The following PRDM10 variants were observed in gnomAD, a reference collection of about 807,000 sequenced individuals.
PRDM10 encodes PR/SET domain 10.
A neutral mutation model predicts 133.1 loss-of-function variants in PRDM10; 65 were observed. That is an observed-to-expected ratio of 0.49 (90% CI 0.40 to 0.60). PRDM10 has a LOEUF of 0.60. Among genes scored for constraint, PRDM10 ranks in the 20% least tolerant of loss-of-function variants. PRDM10 has a pLI of 0.00. For missense variants in PRDM10, 1,137 were observed against 1,507.1 expected (o/e 0.75, Z 4.07); for synonymous variants, 582 against 580.4 (o/e 1.00, Z -0.04).
chr11:129,914,925 C>T lies in PRDM10; in HGVS notation c.2620G>A (p.Ala874Thr), dbSNP rs754532021. The T allele has an allele frequency of 6.2e-7, 1 of 1,614,130 alleles. No individual in the cohort carries two copies. Among genetic ancestry groups the T allele is most frequent in the South Asian group, 1.1e-5 (1 of 91,080 alleles). Residue 874 changes from alanine to threonine, a missense_variant, in exon 17 of 21, where the codon GCC becomes ACC. Physicochemically the swap from Ala to Thr is moderately conservative, Grantham distance 58. Around this residue, in one of 6 missense-constraint regions of PRDM10, gnomAD observed 113 missense variants for 143.7 expected, o/e 0.79. Transcript: ENST00000360871. ...HTPLTTAVIS[A>T]TPAVLTTDSA... ...TCTGTAGTCAAAACCGCTGGGGTGGCACTGATCACAGCTGTCGTCAGTGGT... is the reference window on the plus strand; with the variant it reads ...TCTGTAGTCAAAACCGCTGGGGTGGTACTGATCACAGCTGTCGTCAGTGGT...
At chr11:130,001,989 G>A (rs1200658668) in intron 1 of PRDM10, among the ~76,000 whole-genome samples, 1 of 151,608 alleles carries the variant, frequency 6.6e-6, no homozygotes, top group Non-Finnish European at 1.5e-5. Context: ...CGCTAGCTTG[G>A]GAAGGCAGGC....
chr11:130,000,012 T>C (rs1939257166), intron 1 of PRDM10, among the ~76,000 whole-genome samples: 1 of 152,018 alleles, frequency 6.6e-6, no homozygotes, highest in Non-Finnish European at 1.5e-5. Context: ...TGGGTAATTA[T>C]GGGTTTTGTT....
chr11:129,972,298 C>T (rs1316736846), intron 1 of PRDM10, among the ~76,000 whole-genome samples: 1 of 152,240 alleles, frequency 6.6e-6, no homozygotes, highest in African/African-American at 2.4e-5. Flanking sequence ...AAGGGCTCCT[C>T]AAGTGCCGCC....
chr11:129,915,001 G>A lies in PRDM10; in HGVS notation c.2544C>T (p.His848=). The change falls in exon 17 of 21, where the codon CAC becomes CAT. Residue 848 remains histidine, a synonymous_variant. Coordinates refer to ENST00000360871, the MANE Select transcript of PRDM10 (RefSeq NM_199437.2). ...CGAACTCTGGATGCTTCTTTCGAAT[G>A]TGCTGGACCATCTTGGTCTGAAAAA... is the stretch of plus-strand genomic sequence containing the variant. ...QYSSKTKMVQ[H]IRKKHPEFAQ... The A allele has an allele frequency of 6.3e-7, 1 of 1,597,906 alleles. No homozygotes were observed. Among genetic ancestry groups the A allele is most frequent in the Non-Finnish European group, 8.6e-7 (1 of 1,166,484 alleles).
At chr11:129,971,815 T>C (rs977365001) in intron 1 of PRDM10, among the ~76,000 whole-genome samples, 7 of 152,204 alleles carry the variant, frequency 4.6e-5, no homozygotes, top group African/African-American at 1.7e-4. Context: ...TGCCTGCCAG[T>C]CCCGTGCCGT....
chr11:129,945,951 A>AT lies in PRDM10; in HGVS notation c.521-940dup, dbSNP rs1268812261. Among the ~76,000 whole-genome samples the AT allele has an allele frequency of 1.3e-5, 2 of 152,184 alleles. No individual in the cohort carries two copies. The highest frequency in any genetic ancestry group is 3.9e-4 in the East Asian group (2 of 5,180). ...TAGGAGTTGCCTCAAAAATGTAAGA[A>AT]TTTTTCCCAGGTGCAGTGGCTCAGC... On this transcript the variant is annotated intron_variant, in intron 5 of 20. Coordinates refer to ENST00000360871, the MANE Select transcript of PRDM10 (RefSeq NM_199437.2). The surrounding 1 kb of genome is among the most constrained non-coding windows in gnomAD (Gnocchi z 4.2).
Position 129,923,771 on chromosome 11 carries a change from A to G in PRDM10, c.1879-368T>C, listed in dbSNP as rs1950595662. Among the ~76,000 whole-genome samples the G allele has an allele frequency of 6.6e-6, 1 of 152,036 alleles. No individual in the cohort carries two copies. The highest frequency in any genetic ancestry group is 1.5e-5 in the Non-Finnish European group (1 of 68,022). On this transcript the variant is annotated intron_variant, in intron 12 of 20. Transcript: ENST00000360871. This position sits in a 1 kb window ranked among gnomAD's most constrained non-coding sequence, Gnocchi z 4.4. Reference sequence around the variant, plus strand: ...AAAGCAAAAGTTCCTTTGGGTTTAAATGAAATCTTGCTAAAAAGGATCTAT... The same window carrying G: ...AAAGCAAAAGTTCCTTTGGGTTTAAGTGAAATCTTGCTAAAAAGGATCTAT...
At chr11:129,921,307 G>A (rs567547375) in intron 13 of PRDM10, among the ~76,000 whole-genome samples, 1 of 152,330 alleles carries the variant, frequency 6.6e-6, no homozygotes, top group South Asian at 2.1e-4. Context: ...CATATGAAGT[G>A]ACATTAGCCA....
intron 15 of PRDM10, 30 bp from the exon 16 acceptor site, chr11:129,915,890 C>T (rs1428269538): frequency 6.3e-7 from 1 of 1,589,790 alleles, no homozygotes; most frequent in Admixed American, 1.8e-5. Context: ...GCCATGAAAG[C>T]AGTATACAGT....
At chr11:129,987,642 C>T (rs747155590) in intron 1 of PRDM10, among the ~76,000 whole-genome samples, 1 of 152,266 alleles carries the variant, frequency 6.6e-6, no homozygotes, top group Non-Finnish European at 1.5e-5. Context: ...GATCCAAATA[C>T]TCATCAACTG....
At chr11:129,995,775 G>A (rs1327268525) in intron 1 of PRDM10, among the ~76,000 whole-genome samples, 3 of 152,108 alleles carry the variant, frequency 2.0e-5, no homozygotes, top group Admixed American at 6.6e-5. Context: ...ATGAAACCCC[G>A]TCTCTACTAA....
In PRDM10 at chr11:129,915,278, A is replaced by G. The variant is rs140312341; in HGVS notation, c.2527-260T>C. ...AATACCCCCCCCAAATAGTACCTGC[A>G]GCAATCAATCACAATCCCCCCAGCC... On this transcript the variant is annotated intron_variant, in intron 16 of 20. Transcript: ENST00000360871. 8.3e-4 allele frequency among the ~76,000 whole-genome samples: 124 copies of G among 149,852 alleles called. 1 individual carries two copies. The highest frequency in any genetic ancestry group is 2.9e-3 in the African/African-American group (122 of 41,418).
In PRDM10 at chr11:129,918,582, T is replaced by C. The variant is rs1950428717; in HGVS notation, c.2171A>G (p.Lys724Arg). 2 of 1,614,080 alleles carry C rather than the reference T, an allele frequency of 1.2e-6. No individual in the cohort carries two copies. The highest frequency in any genetic ancestry group is 1.7e-6 in the Non-Finnish European group (2 of 1,180,028). Residue 724 changes from lysine (K) to arginine (R), a missense_variant, in exon 14 of 21, where the codon AAG (lysine) becomes AGG (arginine). This residue lies in a region of PRDM10 where 78 missense variants were observed against 96.4 expected (regional missense o/e 0.81). Transcript: ENST00000360871. This position sits in a 1 kb window ranked among gnomAD's most constrained non-coding sequence, Gnocchi z 5.3. ...GAAGCCCATCATGCACAGGCGGCAC[T>C]TGAACGTGAAGCTGTCGTAGTCTGT... is the stretch of plus-strand genomic sequence containing the variant. ...TSTDYDSFTF[K>R]CRLCMMGFRR...
intron 11 of PRDM10, chr11:129,929,309 CTG>C: frequency 3.5e-6 from 4 of 1,144,206 alleles, no homozygotes; most frequent in South Asian, 3.4e-5. Context: ...AGCAACCAAA[CTG>C]TGGTTTCCAC....
Position 129,937,468 on chromosome 11 carries a change from T to C in PRDM10, c.1039+130A>G, listed in dbSNP as rs1252973979. The stretch of plus-strand genomic sequence containing the variant: ...ACACTGAATTAGATGGAGATGTGTG[T>C]CTCTAAAAAACCTACTGGAATAACT... On this transcript the variant is annotated intron_variant, in intron 8 of 20. Coordinates refer to ENST00000360871, the MANE Select transcript of PRDM10 (RefSeq NM_199437.2). The C allele has an allele frequency of 6.2e-6, 4 of 646,308 alleles. No individual in the cohort carries two copies. The South Asian group carries it at 7.1e-5, about 11-fold the overall frequency. 40.0% of individuals were successfully genotyped at this position (646,308 alleles called of 1,614,324 possible). A position where few individuals can be genotyped will look rare whatever the true frequency, so the allele number is the denominator to read the frequency against.
At position 129,925,224 on chromosome 11, in the gene PRDM10, T is replaced by C. The variant is rs770539416; in HGVS notation, c.1536A>G (p.Ala512=). ...DMRRAKRIRN[A]ALQHLFIRKS... ...TCCGAATAAACAGATGCTGAAGAGC[T>C]GCATTCTGAAAGACATACACAAATG... is the stretch of plus-strand genomic sequence containing the variant. The change falls in exon 12 of 21, where the codon GCA becomes GCG. Residue 512 remains alanine, a synonymous_variant. Transcript: ENST00000360871. 1 of 1,605,220 alleles carries C rather than the reference T, an allele frequency of 6.2e-7. No individual in the cohort carries two copies. The highest frequency in any genetic ancestry group is 8.5e-7 in the Non-Finnish European group (1 of 1,176,182).
chr11:129,900,344 AAAGAAGAAGAAGAAG>A lies in PRDM10; in HGVS notation c.*1954_*1968del, dbSNP rs57861880. The A allele has an allele frequency of 2.5e-3, 375 of 151,262 alleles. 2 individuals are homozygous for A. The highest frequency in any genetic ancestry group is 4.8e-3 in the Admixed American group (73 of 15,104). 9.4% of individuals were successfully genotyped at this position (151,262 alleles called of 1,614,324 possible). A position where few individuals can be genotyped will look rare whatever the true frequency, so the allele number is the denominator to read the frequency against. On this transcript the variant is annotated 3_prime_UTR_variant, in exon 21 of 21. Coordinates refer to ENST00000360871, the MANE Select transcript of PRDM10 (RefSeq NM_199437.2). The stretch of plus-strand genomic sequence containing the variant: ...AGAGTCTTTATTTCACTTAAGGACC[AAAGAAGAAGAAGAAG>A]AAGAAGAAGAAGAAGACAACTTAGA...
Position 129,985,809 on chromosome 11 carries a change from A to AATATATATATAT in PRDM10, c.-119+16901_-119+16912dup, listed in dbSNP as rs1555114095. On this transcript the variant is annotated intron_variant, in intron 1 of 20. Transcript: ENST00000360871. ...AAAAAAAAAAAAAAAAAAAAAAAAAAATATATATATATATATATATATATG... is the reference window on the plus strand; with the variant it reads ...AAAAAAAAAAAAAAAAAAAAAAAAAAATATATATATATATATATATATATATATATATATATG... Among the ~76,000 whole-genome samples the AATATATATATAT allele has an allele frequency of 3.2e-3, 194 of 61,040 alleles. 3 individuals are homozygous for AATATATATATAT. The East Asian group carries it at 0.036, about 11-fold the overall frequency. The allele number at this position is 61,040 out of a possible 152,430, so 40.0% of individuals were successfully genotyped here.
chr11:129,948,003 A>G (rs1217300350), intron 4 of PRDM10: 2 of 454,620 alleles, frequency 4.4e-6, no homozygotes, highest in Non-Finnish European at 4.4e-6. Flanking sequence ...ACAAAGTTCC[A>G]TAGCTCACAG....
Sources: allele counts gnomAD v4.1 joint callset (sites outside exome capture counted in the v4.1 genomes callset), GRCh38; gene constraint gnomAD v4.1.1; regional missense constraint gnomAD v4.1.1; non-coding constraint Gnocchi (gnomAD v3.1); transcripts MANE v1.5; gene names NCBI Gene and HGNC (gene_info 2026-07-23, HGNC 2026-07-21).